The following PAN3 variants were observed in gnomAD, a reference collection of about 807,000 sequenced individuals.
PAN3 encodes PAN2-PAN3 deadenylation complex subunit PAN3.
Under a neutral mutation model 96.2 loss-of-function variants are expected in PAN3, and 19 were observed. The ratio of observed to expected loss-of-function variants is 0.20; its 90% CI spans 0.14 to 0.29. PAN3 has a LOEUF of 0.29. Among genes scored for constraint, PAN3 ranks in the 10% least tolerant of loss-of-function variants. The pLI, the probability that PAN3 is intolerant of heterozygous loss-of-function variation, is 1.00. For missense variants in PAN3, 882 were observed against 1,108.1 expected (o/e 0.80, Z 2.90); for synonymous variants, 433 against 406.6 (o/e 1.06, Z -0.78).
In PAN3 at chr13:28,220,234, C is replaced by G; in HGVS notation, c.856C>G (p.Pro286Ala). The G allele has an allele frequency of 6.2e-7, 1 of 1,611,654 alleles. No individual in the cohort carries two copies. Among genetic ancestry groups the G allele is most frequent in the Non-Finnish European group, 8.5e-7 (1 of 1,178,718 alleles). Residue 286 changes from proline (P) to alanine (A), a missense_variant, in exon 6 of 19, where the codon CCA (proline) becomes GCA (alanine). By Grantham distance (27) the Pro-to-Ala change is conservative. Transcript: ENST00000380958. The stretch of plus-strand genomic sequence containing the variant: ...ACTATATTTGATTTTTAAATAGACA[C>G]CAAATCCTACTGCAAGCGAGTTTAT... ...NRVTENNLQTPNPTASEFIPK... is the reference protein window; with the variant it reads ...NRVTENNLQTANPTASEFIPK...
At chr13:28,232,664 A>G (rs1457744475) in intron 6 of PAN3, 2 of 152,086 alleles carry the variant, frequency 1.3e-5, no homozygotes, top group Non-Finnish European at 2.9e-5. Flanking sequence ...AAAATACTGT[A>G]TTGAGAATTT....
In PAN3 at chr13:28,176,480, T is replaced by C; in HGVS notation, c.553-13T>C. The C allele has an allele frequency of 1.2e-6, 2 of 1,608,636 alleles. No individual in the cohort carries two copies. The highest frequency in any genetic ancestry group is 8.5e-7 in the Non-Finnish European group (1 of 1,175,124). The stretch of plus-strand genomic sequence containing the variant: ...TCCTCAGTGATGTTATAAATAAATA[T>C]TTTGTTTTTCAGAGAATGACTAATA... On this transcript the variant is annotated splice_polypyrimidine_tract_variant and intron_variant, in intron 2 of 18. Transcript: ENST00000380958.
chr13:28,272,270 T>C (rs142894650), intron 14 of PAN3, 199 bp downstream of exon 14: 358 of 389,302 alleles, frequency 9.2e-4, no homozygotes, highest in African/African-American at 6.9e-3. Flanking sequence ...TCTTTCTCTC[T>C]CTTTTCCTTT....
chr13:28,180,323 A>G (rs1037794358), intron 4 of PAN3, among the ~76,000 whole-genome samples: 4 of 152,196 alleles, frequency 2.6e-5, no homozygotes, highest in African/African-American at 7.2e-5. Context: ...ATTTAAAATG[A>G]TGTGTAATCT....
chr13:28,238,044 AAAG>A (rs1365105322), intron 6 of PAN3, among the ~76,000 whole-genome samples: 2 of 152,236 alleles, frequency 1.3e-5, no homozygotes, highest in Non-Finnish European at 2.9e-5. Flanking sequence ...AAACAGATAA[AAAG>A]AAATTCAAAT....
chr13:28,232,999 A>T (rs943914569), intron 6 of PAN3, among the ~76,000 whole-genome samples: 1 of 152,174 alleles, frequency 6.6e-6, no homozygotes, highest in Non-Finnish European at 1.5e-5. Flanking sequence ...TACAGATTAG[A>T]ATACTATTAT....
Position 28,191,038 on chromosome 13 carries a change from C to G in PAN3, c.691-6147C>G, listed in dbSNP as rs1877192998. On this transcript the variant is annotated intron_variant, in intron 4 of 18. Coordinates refer to ENST00000380958, the MANE Select transcript of PAN3 (RefSeq NM_175854.8). ...ATAGAGGATCAATAAGGGAATTTACCTTTTTTGGGGGACCACTGTGTTCAT... is the reference window on the plus strand; with the variant it reads ...ATAGAGGATCAATAAGGGAATTTACGTTTTTTGGGGGACCACTGTGTTCAT... Among the ~76,000 whole-genome samples the G allele has an allele frequency of 3.3e-5, 5 of 152,060 alleles. No homozygotes were observed. The South Asian group carries it at 1.0e-3, about 32-fold the overall frequency.
At chr13:28,270,953 C>A in intron 13 of PAN3, 87 bp downstream of exon 13, 1 of 1,281,556 alleles carries the variant, frequency 7.8e-7, no homozygotes, top group Non-Finnish European at 1.1e-6. Flanking sequence ...TTTAATTCTG[C>A]CTTTTCATAT....
chr13:28,292,364 G>A lies in PAN3; in HGVS notation c.2524-18G>A. 1 of 1,566,862 alleles carries A rather than the reference G, an allele frequency of 6.4e-7. No individual in the cohort carries two copies. Among genetic ancestry groups the A allele is most frequent in the Non-Finnish European group, 8.6e-7 (1 of 1,158,446 alleles). On this transcript the variant is annotated intron_variant, in intron 18 of 18. Coordinates refer to ENST00000380958, the MANE Select transcript of PAN3 (RefSeq NM_175854.8). Reference sequence around the variant, plus strand: ...CTGCATGTTATGAATTTCATATTTTGTGTATATATTGTTTCAGCTAGATGC... The same window carrying A: ...CTGCATGTTATGAATTTCATATTTTATGTATATATTGTTTCAGCTAGATGC...
chr13:28,225,298 C>G (rs1462004157), intron 6 of PAN3, among the ~76,000 whole-genome samples: 1 of 151,996 alleles, frequency 6.6e-6, no homozygotes, highest in Non-Finnish European at 1.5e-5. Context: ...ACGTTGTAGA[C>G]TAAAAATAGT....
intron 1 of PAN3, among the ~76,000 whole-genome samples, chr13:28,146,438 C>T (rs1375755111): frequency 6.6e-6 from 1 of 151,688 alleles, no homozygotes; most frequent in African/African-American, 2.4e-5. Flanking sequence ...GTTTAAATAA[C>T]AGAAAAGTAT....
intron 5 of PAN3, among the ~76,000 whole-genome samples, chr13:28,204,915 A>AGG (rs1019618750): frequency 2.0e-5 from 3 of 152,214 alleles, no homozygotes; most frequent in Admixed American, 6.5e-5. Flanking sequence ...TGCATGTGTT[A>AGG]GGGGATCCAT....
chr13:28,150,177 G>A (rs976052480), intron 1 of PAN3, among the ~76,000 whole-genome samples: 4 of 152,124 alleles, frequency 2.6e-5, no homozygotes, highest in Admixed American at 2.6e-4. Flanking sequence ...ATGGTTCATA[G>A]ATGCTGTGAC....
intron 5 of PAN3, among the ~76,000 whole-genome samples, chr13:28,219,279 T>C (rs1416664024): frequency 2.0e-5 from 3 of 152,232 alleles, no homozygotes; most frequent in Non-Finnish European, 4.4e-5. Context: ...TGTATTTTAA[T>C]TAAGCCCAGA....
At chr13:28,227,272 A>G (rs1189546310) in intron 6 of PAN3, among the ~76,000 whole-genome samples, 4 of 152,220 alleles carry the variant, frequency 2.6e-5, no homozygotes, top group East Asian at 3.8e-4. Flanking sequence ...CTACCAGTAG[A>G]TAATATTCTA....
intron 15 of PAN3, among the ~76,000 whole-genome samples, chr13:28,279,218 C>G (rs963208980): frequency 6.6e-6 from 1 of 152,010 alleles, no homozygotes; most frequent in Non-Finnish European, 1.5e-5. Flanking sequence ...TGCCACTGTT[C>G]TAATGATAGA....
At chr13:28,230,144 T>C (rs1481765873) in intron 6 of PAN3, among the ~76,000 whole-genome samples, 2 of 152,072 alleles carry the variant, frequency 1.3e-5, no homozygotes, top group East Asian at 3.8e-4. Flanking sequence ...GAGCTTTATA[T>C]TATCCTTTGG....
chr13:28,257,675 GT>G (rs1235245477), intron 7 of PAN3, among the ~76,000 whole-genome samples: 1 of 115,080 alleles, frequency 8.7e-6, no homozygotes, highest in Non-Finnish European at 1.9e-5. Flanking sequence ...TATATGTAAA[GT>G]TATTAAATTA....
chr13:28,248,107 T>C (rs1884380652), intron 6 of PAN3, among the ~76,000 whole-genome samples: 2 of 152,218 alleles, frequency 1.3e-5, no homozygotes, highest in Non-Finnish European at 2.9e-5. Context: ...CAGTGTTTTA[T>C]AGTTTTGCTT....
Sources: allele counts gnomAD v4.1 joint callset (sites outside exome capture counted in the v4.1 genomes callset), GRCh38; gene constraint gnomAD v4.1.1; transcripts MANE v1.5; gene names NCBI Gene and HGNC (gene_info 2026-07-23, HGNC 2026-07-21).